SORCS3: variants seen among roughly 807,000 people sequenced by gnomAD.
The protein encoded by SORCS3 is sortilin related VPS10 domain containing receptor 3.
In SORCS3, 57 loss-of-function variants were observed where a neutral mutation model predicts 146.3. The observed-to-expected ratio is 0.39, with a 90% CI of 0.31 to 0.49. The LOEUF (loss-of-function observed/expected upper bound fraction) is 0.49, where lower values mean the gene tolerates loss of function less well. Ranked by LOEUF, SORCS3 falls within the 20% of genes least tolerant of loss-of-function variation. The pLI, the probability that SORCS3 is intolerant of heterozygous loss-of-function variation, is 0.92. For synonymous variants in SORCS3, 653 were observed against 618.5 expected (o/e 1.06, Z -0.83); for missense variants, 1,341 against 1,575.5 (o/e 0.85, Z 2.52).
chr10:105,251,036 G>A (rs976765206), intron 22 of SORCS3, among the ~76,000 whole-genome samples: 12 of 152,152 alleles, frequency 7.9e-5, no homozygotes, highest in Admixed American at 2.6e-4. Context: ...TGGGAACAGT[G>A]AGACCCCAGA....
intron 5 of SORCS3, among the ~76,000 whole-genome samples, chr10:105,066,051 C>T (rs954992041): frequency 6.6e-6 from 1 of 152,188 alleles, no homozygotes; most frequent in Admixed American, 6.5e-5. Flanking sequence ...CTCTGTTTAA[C>T]TGCTGTTATG....
chr10:105,156,962 C>T (rs1197556374), intron 9 of SORCS3, among the ~76,000 whole-genome samples, 176 bp from the exon 10 acceptor site: 2 of 152,072 alleles, frequency 1.3e-5, no homozygotes, highest in Non-Finnish European at 2.9e-5. Flanking sequence ...CAGAGATGAA[C>T]TTTTTAAACA....
At chr10:105,256,986 ATAAC>A (rs1288313546) in intron 25 of SORCS3, 62 bp downstream of exon 25, 8 of 1,181,616 alleles carry the variant, frequency 6.8e-6, no homozygotes, top group Non-Finnish European at 1.0e-5. Flanking sequence ...GATTCTTCCT[ATAAC>A]TAACTTTACT....
intron 1 of SORCS3, among the ~76,000 whole-genome samples, chr10:104,768,454 G>A (rs1300872756): frequency 6.6e-6 from 1 of 152,144 alleles, no homozygotes; most frequent in Non-Finnish European, 1.5e-5. Context: ...ATAACACAAA[G>A]TATATTTAAG....
At chr10:104,756,424 A>G (rs978641448) in intron 1 of SORCS3, among the ~76,000 whole-genome samples, 1 of 152,194 alleles carries the variant, frequency 6.6e-6, no homozygotes, top group African/African-American at 2.4e-5. Flanking sequence ...ATAAAGTTGG[A>G]CTGGATGATC....
At chr10:104,749,508 A>T (rs1002787309) in intron 1 of SORCS3, among the ~76,000 whole-genome samples, 2 of 152,192 alleles carry the variant, frequency 1.3e-5, no homozygotes, top group African/African-American at 4.8e-5. Context: ...CATGTAAAAT[A>T]CTATCAAGTT....
At chr10:105,001,710 A>G (rs2055062546) in intron 4 of SORCS3, among the ~76,000 whole-genome samples, 1 of 152,204 alleles carries the variant, frequency 6.6e-6, no homozygotes, top group South Asian at 2.1e-4. Flanking sequence ...CAGGTCAATT[A>G]AAAGAAGCAG....
At chr10:104,643,711 T>TGTGTGTGC (rs1282859887) in intron 1 of SORCS3, among the ~76,000 whole-genome samples, 1 of 114,080 alleles carries the variant, frequency 8.8e-6, no homozygotes, top group Non-Finnish European at 2.0e-5. Flanking sequence ...ATAATTAGGG[T>TGTGTGTGC]GTGTGTGTGT....
chr10:104,935,798 G>C (rs1029632965), intron 3 of SORCS3, among the ~76,000 whole-genome samples: 1 of 152,204 alleles, frequency 6.6e-6, no homozygotes, highest in African/African-American at 2.4e-5. Context: ...CTGTAGCATA[G>C]AGTTGTGAGA....
At chr10:104,755,566 T>C (rs1473291900) in intron 1 of SORCS3, among the ~76,000 whole-genome samples, 1 of 152,196 alleles carries the variant, frequency 6.6e-6, no homozygotes, top group Non-Finnish European at 1.5e-5. Flanking sequence ...ATGAAAAGAA[T>C]AATCCTGAAG....
intron 1 of SORCS3, among the ~76,000 whole-genome samples, chr10:104,741,196 C>G (rs1016052549): frequency 3.8e-5 from 5 of 130,376 alleles, no homozygotes; most frequent in African/African-American, 8.8e-5. Flanking sequence ...TTCTCAAACT[C>G]TTGGCCTTAA....
intron 14 of SORCS3, among the ~76,000 whole-genome samples, chr10:105,194,410 G>T (rs1315119534): frequency 6.6e-6 from 1 of 152,172 alleles, no homozygotes; most frequent in East Asian, 1.9e-4. Flanking sequence ...TATCTCACAT[G>T]TTGGGGGTTT....
intron 1 of SORCS3, among the ~76,000 whole-genome samples, chr10:104,823,140 C>T (rs989790885): frequency 6.6e-6 from 1 of 152,088 alleles, no homozygotes; most frequent in Non-Finnish European, 1.5e-5. Flanking sequence ...GCCTGCAGGG[C>T]CAATAGGCAG....
rs1188694052 is a variant in SORCS3, at chr10:105,264,529, G to T, written c.*1155G>T. The T allele has an allele frequency of 6.6e-6, 1 of 152,512 alleles. No individual in the cohort carries two copies. Among genetic ancestry groups the T allele is most frequent in the Non-Finnish European group, 1.5e-5 (1 of 68,028 alleles). The allele number at this position is 152,512 out of a possible 1,614,324, so 9.4% of individuals were successfully genotyped here. ...GGCATGGGAGGAGTTAAAGAGGTTG[G>T]AAGGGAAGAGGCATTTGTGGAATTA... On this transcript the variant is annotated 3_prime_UTR_variant, in exon 27 of 27. Transcript: ENST00000369701.
At chr10:105,190,437 G>A (rs1426256406) in intron 14 of SORCS3, among the ~76,000 whole-genome samples, 2 of 152,058 alleles carry the variant, frequency 1.3e-5, no homozygotes, top group Non-Finnish European at 2.9e-5. Context: ...ACGGAGTCTC[G>A]CTCTGTCACC....
chr10:105,130,041 T>C (rs1295119093), intron 7 of SORCS3, among the ~76,000 whole-genome samples: 1 of 152,182 alleles, frequency 6.6e-6, no homozygotes, highest in Non-Finnish European at 1.5e-5. Flanking sequence ...TTGCCTCCAG[T>C]TCTGCTGGCT....
At chr10:104,796,625 CAATT>C in intron 1 of SORCS3, among the ~76,000 whole-genome samples, 1 of 151,942 alleles carries the variant, frequency 6.6e-6, no homozygotes, top group African/African-American at 2.4e-5. Context: ...CTTTTAAAGT[CAATT>C]AATTATAGTT....
chr10:105,092,171 G>A (rs1055254053), intron 6 of SORCS3, among the ~76,000 whole-genome samples: 1 of 152,188 alleles, frequency 6.6e-6, no homozygotes, highest in Non-Finnish European at 1.5e-5. Flanking sequence ...TTGGGATGAG[G>A]CCTATGGTGC....
intron 5 of SORCS3, among the ~76,000 whole-genome samples, chr10:105,084,929 A>G (rs1201815056): frequency 6.6e-6 from 1 of 151,798 alleles, no homozygotes; most frequent in East Asian, 1.9e-4. Flanking sequence ...ACGGGGTTTC[A>G]CCATGTTAGC....
Sources: gnomAD v4.1 joint callset for allele counts (sites outside exome capture counted in the v4.1 genomes callset) on GRCh38, gnomAD v4.1.1 for gene constraint, MANE v1.5 for transcripts, NCBI Gene and HGNC (gene_info 2026-07-23, HGNC 2026-07-21) for gene names.